LSM3: variants seen among roughly 807,000 people sequenced by gnomAD.
LSM3 encodes U6 snRNA-associated Sm-like protein LSm3.
LSM3 carries 14 observed loss-of-function variants against 15.4 expected under a neutral mutation model. The ratio of observed to expected loss-of-function variants is 0.91; its 90% confidence interval spans 0.60 to 1.42. LSM3 has a LOEUF of 1.42. Ranked by LOEUF, LSM3 falls within the 40% of genes most tolerant of loss-of-function variation. The probability of loss-of-function intolerance (pLI) is 0.00; values close to 1 mark genes in which losing one functional copy is unlikely to be tolerated. For missense variants in LSM3, 88 were observed against 127.9 expected (o/e 0.69, Z 1.50); for synonymous variants, 46 against 45.1 (o/e 1.02, Z -0.08).
rs1382127642 is a variant in LSM3, at chr3:14,180,310, A to G, written c.22-1250A>G. Reference sequence around the variant, plus strand: ...TTTTCTATTCTTTTCTTTTTTTTGGATGGAGTCTCACTCTATCGCCCAGGC... The same window carrying G: ...TTTTCTATTCTTTTCTTTTTTTTGGGTGGAGTCTCACTCTATCGCCCAGGC... On this transcript the variant is annotated intron_variant, in intron 1 of 3. Transcript: ENST00000306024. Among the ~76,000 whole-genome samples, 47 of 150,604 alleles carry G rather than the reference A, an allele frequency of 3.1e-4. 1 individual carries two copies. The highest frequency in any genetic ancestry group is 3.0e-3 in the Admixed American group (46 of 15,134).
chr3:14,180,832 TTTTTTTTTTTTTTTTTTTTTTTTTTA>T (rs1254416468), intron 1 of LSM3, among the ~76,000 whole-genome samples: 3 of 72,926 alleles, frequency 4.1e-5, no homozygotes, highest in East Asian at 4.8e-4. Context: ...TTTTTTTTTT[TTTTTTTTTTTTTTTTTTTTTTTTTTA>T]AAAAAAAAAA....
intron 3 of LSM3, among the ~76,000 whole-genome samples, chr3:14,195,735 G>A (rs143579393): frequency 2.0e-4 from 31 of 152,286 alleles, no homozygotes; most frequent in East Asian, 1.9e-3. Flanking sequence ...TCATGGAACT[G>A]TTGTAAACGA....
Position 14,181,678 on chromosome 3 carries a change from A to G in LSM3, c.132+8A>G, listed in dbSNP as rs1277586817. On this transcript the variant is annotated splice_region_variant and intron_variant, in intron 2 of 3. Coordinates refer to ENST00000306024, the MANE Select transcript of LSM3 (RefSeq NM_014463.3). ...CTTCGAGGCAGATTACATGTAAGTA[A>G]ATTTATCAAGTTACCTTGAAATCAG... 2 of 1,584,692 alleles carry G rather than the reference A, an allele frequency of 1.3e-6. No homozygotes were observed. The highest frequency in any genetic ancestry group is 1.7e-6 in the Non-Finnish European group (2 of 1,153,296).
At position 14,200,774 on chromosome 3, in the gene LSM3, C is replaced by T. The variant is rs1369064018; in HGVS notation, c.*2658C>T. ...TCAAATAGTGATTTTTGAAGATTTG[C>T]CCAAACTAGAGTACTATCCCTCTTC... On this transcript the variant is annotated 3_prime_UTR_variant, in exon 4 of 4. Transcript: ENST00000306024. 6.6e-6 allele frequency: 1 copy of T among 152,092 alleles called. No individual in the cohort carries two copies. The highest frequency in any genetic ancestry group is 1.5e-5 in the Non-Finnish European group (1 of 68,016). 9.4% of individuals were successfully genotyped at this position (152,092 alleles called of 1,614,324 possible).
At chr3:14,192,161 T>A (rs1697145893) in intron 3 of LSM3, among the ~76,000 whole-genome samples, 1 of 152,242 alleles carries the variant, frequency 6.6e-6, no homozygotes, top group Non-Finnish European at 1.5e-5. Context: ...TGTTATGATT[T>A]CTGTTCTTTT....
chr3:14,188,924 T>C (rs1697115022), intron 3 of LSM3, among the ~76,000 whole-genome samples: 1 of 152,048 alleles, frequency 6.6e-6, no homozygotes, highest in Admixed American at 6.6e-5. Flanking sequence ...GTCACCTACA[T>C]TATTTCTCCT....
At chr3:14,187,433 C>T (rs554810833) in intron 3 of LSM3, among the ~76,000 whole-genome samples, 51 of 152,306 alleles carry the variant, frequency 3.3e-4, no homozygotes, top group Admixed American at 3.0e-3. Context: ...TTGGGTAAAA[C>T]ATTTAAAATT....
rs190255459 is a variant in LSM3 at position 14,199,138 on chromosome 3, A to G, written c.*1022A>G. 15 of 152,324 alleles carry G rather than the reference A, an allele frequency of 9.8e-5. No individual in the cohort carries two copies. In the East Asian group the frequency reaches 2.3e-3, roughly 23 times the overall value. 9.4% of individuals were successfully genotyped at this position (152,324 alleles called of 1,614,324 possible). ...GCTTGATCATAACCTGTTTATAATT[A>G]TGACTCAGACCATTTTTCCACTCTT... On this transcript the variant is annotated 3_prime_UTR_variant, in exon 4 of 4. Coordinates refer to ENST00000306024, the MANE Select transcript of LSM3 (RefSeq NM_014463.3).
rs972458889 is a variant in LSM3, at chr3:14,200,603, G to A, written c.*2487G>A. The stretch of plus-strand genomic sequence containing the variant: ...GGTCTTGGTTGTTTTATGAGAGGCC[G>A]ATATGAATTGCCATTGCCTCCCACA... On this transcript the variant is annotated 3_prime_UTR_variant, in exon 4 of 4. Transcript: ENST00000306024. 5 of 152,142 alleles carry A rather than the reference G, an allele frequency of 3.3e-5. No homozygotes were observed. Among genetic ancestry groups the A allele is most frequent in the South Asian group, 4.1e-4 (2 of 4,822 alleles). The allele number at this position is 152,142 out of a possible 1,614,324, so 9.4% of individuals were successfully genotyped here. A position where few individuals can be genotyped will look rare whatever the true frequency, so the allele number is the denominator to read the frequency against.
At chr3:14,183,381 TAA>T (rs1697058002) in intron 2 of LSM3, among the ~76,000 whole-genome samples, 1 of 152,242 alleles carries the variant, frequency 6.6e-6, no homozygotes, top group South Asian at 2.1e-4. Context: ...CCACAGGTAC[TAA>T]ACACATTTAA....
At chr3:14,183,643 G>C (rs781505869) in intron 2 of LSM3, among the ~76,000 whole-genome samples, 3 of 152,168 alleles carry the variant, frequency 2.0e-5, no homozygotes, top group Non-Finnish European at 2.9e-5. Flanking sequence ...GACTGCCTTA[G>C]ATAACAAGTG....
chr3:14,195,814 C>T (rs1185913261), intron 3 of LSM3, among the ~76,000 whole-genome samples: 1 of 152,202 alleles, frequency 6.6e-6, no homozygotes, highest in Non-Finnish European at 1.5e-5. Context: ...GCTAACTAAG[C>T]AGTCATTTGG....
chr3:14,183,688 G>A (rs192057760), intron 2 of LSM3, among the ~76,000 whole-genome samples: 1 of 152,288 alleles, frequency 6.6e-6, no homozygotes, highest in Admixed American at 6.5e-5. Context: ...CAAGTGATTT[G>A]AAGTAAATTT....
chr3:14,190,998 G>C (rs761312494), intron 3 of LSM3, among the ~76,000 whole-genome samples: 14 of 152,130 alleles, frequency 9.2e-5, no homozygotes, highest in South Asian at 2.1e-4. Flanking sequence ...TAGCATGAAG[G>C]GGTGTTGAAT....
At position 14,178,849 on chromosome 3, in the gene LSM3, A is replaced by G; in HGVS notation, c.-12A>G. 1 of 1,614,242 alleles carries G rather than the reference A, an allele frequency of 6.2e-7. No individual in the cohort carries two copies. The highest frequency in any genetic ancestry group is 8.5e-7 in the Non-Finnish European group (1 of 1,180,032). The stretch of plus-strand genomic sequence containing the variant: ...TCTCGCGAGAGGCGGGAAAGGGCGC[A>G]GGGTTTGAAACATGGCGGACGACGT... On this transcript the variant is annotated 5_prime_UTR_variant, in exon 1 of 4. Transcript: ENST00000306024.
chr3:14,178,836 C>G lies in LSM3; in HGVS notation c.-25C>G, dbSNP rs377587184. 1.2e-6 allele frequency: 2 copies of G among 1,614,034 alleles called. No homozygotes were observed. Among genetic ancestry groups the G allele is most frequent in the African/African-American group, 2.7e-5 (2 of 74,940 alleles). ...GTTGCTCTTGTGTTCTCGCGAGAGG[C>G]GGGAAAGGGCGCAGGGTTTGAAACA... On this transcript the variant is annotated 5_prime_UTR_variant, in exon 1 of 4. Coordinates refer to ENST00000306024, the MANE Select transcript of LSM3 (RefSeq NM_014463.3).
At chr3:14,193,214 T>C (rs888236521) in intron 3 of LSM3, among the ~76,000 whole-genome samples, 3 of 152,254 alleles carry the variant, frequency 2.0e-5, no homozygotes, top group Non-Finnish European at 4.4e-5. Context: ...TTAACGTTTT[T>C]TCCTTCATTT....
rs1164090236 is a variant in LSM3 at position 14,180,821 on chromosome 3, CTTTTTTTTTTTT to C, written c.22-714_22-703del. 6.4e-4 allele frequency among the ~76,000 whole-genome samples: 30 copies of C among 46,772 alleles called. No individual in the cohort carries two copies. In the East Asian group the frequency reaches 9.9e-3, roughly 15 times the overall value. 30.7% of individuals were successfully genotyped at this position (46,772 alleles called of 152,430 possible). A position where few individuals can be genotyped will look rare whatever the true frequency, so the allele number is the denominator to read the frequency against. On this transcript the variant is annotated intron_variant, in intron 1 of 3. Coordinates refer to ENST00000306024, the MANE Select transcript of LSM3 (RefSeq NM_014463.3). ...GACTCCAAAGCCAGTGCTTGCTTGCCTTTTTTTTTTTTTTTTTTTTTTTTTTTTTTTTTTTTA... is the reference window on the plus strand; with the variant it reads ...GACTCCAAAGCCAGTGCTTGCTTGCCTTTTTTTTTTTTTTTTTTTTTTTTA...
Position 14,186,570 on chromosome 3 carries a change from T to C in LSM3, c.228+2538T>C, listed in dbSNP as rs1269516943. On this transcript the variant is annotated intron_variant, in intron 3 of 3. Transcript: ENST00000306024. ...CCTTTGCTAGTGTTCTTTCTCCTTC[T>C]GAGTGTAAACATTTAGCATTTTTTT... 3.3e-5 allele frequency among the ~76,000 whole-genome samples: 5 copies of C among 152,246 alleles called. No individual in the cohort carries two copies. The East Asian group carries it at 5.8e-4, about 18-fold the overall frequency.
Sources: gnomAD v4.1 joint callset for allele counts (sites outside exome capture counted in the v4.1 genomes callset) on GRCh38, gnomAD v4.1.1 for gene constraint, MANE v1.5 for transcripts, NCBI Gene and HGNC (gene_info 2026-07-23, HGNC 2026-07-21) for gene names.